SEMA5A: variants seen among roughly 807,000 people sequenced by gnomAD.
The protein encoded by SEMA5A is semaphorin-5A.
In SEMA5A, 55 loss-of-function variants were observed where a neutral mutation model predicts 135.5. The observed-to-expected ratio is 0.41, with a 90% CI of 0.33 to 0.51. The LOEUF is 0.51. SEMA5A is among the 20% of genes least tolerant of loss of function. The probability of loss-of-function intolerance (pLI) is 0.37; values close to 1 mark genes in which losing one functional copy is unlikely to be tolerated. For missense variants in SEMA5A, 1,290 were observed against 1,419.9 expected (o/e 0.91, Z 1.47); for synonymous variants, 580 against 546.5 (o/e 1.06, Z -0.85).
chr5:9,219,260 G>A (rs1378158737), intron 8 of SEMA5A, among the ~76,000 whole-genome samples: 1 of 152,202 alleles, frequency 6.6e-6, no homozygotes, highest in Non-Finnish European at 1.5e-5. Flanking sequence ...GGAGGAATAA[G>A]AAGAAAGACT....
At chr5:9,453,613 T>C (rs1758726125) in intron 1 of SEMA5A, among the ~76,000 whole-genome samples, 1 of 152,174 alleles carries the variant, frequency 6.6e-6, no homozygotes, top group South Asian at 2.1e-4. Flanking sequence ...TTAAATAAGT[T>C]GTTTTTAACA....
chr5:9,180,897 G>C (rs910323105), intron 11 of SEMA5A, among the ~76,000 whole-genome samples: 1 of 152,146 alleles, frequency 6.6e-6, no homozygotes, highest in African/African-American at 2.4e-5. Context: ...ATAGAACATT[G>C]TTTGTCTTTT....
chr5:9,253,948 C>T (rs760618386), intron 5 of SEMA5A, among the ~76,000 whole-genome samples: 7 of 152,144 alleles, frequency 4.6e-5, no homozygotes, highest in African/African-American at 7.2e-5. Flanking sequence ...CTTTGCTCCT[C>T]CATGCCTAAC....
At chr5:9,248,131 A>G (rs1350344544) in intron 5 of SEMA5A, among the ~76,000 whole-genome samples, 1 of 152,192 alleles carries the variant, frequency 6.6e-6, no homozygotes, top group African/African-American at 2.4e-5. Flanking sequence ...ACTATTATTA[A>G]GATGTTTGAT....
intron 9 of SEMA5A, among the ~76,000 whole-genome samples, chr5:9,200,211 C>T (rs1162729705): frequency 6.6e-6 from 1 of 152,198 alleles, no homozygotes; most frequent in Admixed American, 6.5e-5. Flanking sequence ...AGTATAGATT[C>T]CGTACATTGG....
intron 19 of SEMA5A, among the ~76,000 whole-genome samples, chr5:9,053,395 A>G (rs1736703049): frequency 6.6e-6 from 1 of 152,136 alleles, no homozygotes; most frequent in Admixed American, 6.5e-5. Context: ...TGCTATCACC[A>G]GTTTCTGTTG....
intron 3 of SEMA5A, among the ~76,000 whole-genome samples, chr5:9,350,755 A>G (rs1754078373): frequency 6.6e-6 from 1 of 152,240 alleles, no homozygotes; most frequent in South Asian, 2.1e-4. Context: ...CCGGGAGAGA[A>G]CAATCTTTCC....
At chr5:9,441,127 A>G (rs1758216693) in intron 1 of SEMA5A, among the ~76,000 whole-genome samples, 1 of 152,208 alleles carries the variant, frequency 6.6e-6, no homozygotes, top group Admixed American at 6.5e-5. Flanking sequence ...CCATGGCCAC[A>G]CATGGTGGAT....
intron 9 of SEMA5A, among the ~76,000 whole-genome samples, chr5:9,200,265 T>C (rs1745632995): frequency 6.6e-6 from 1 of 152,212 alleles, no homozygotes; most frequent in South Asian, 2.1e-4. Context: ...AAACAAATAG[T>C]CTAGAGTAGT....
At chr5:9,173,397 T>C (rs530312837) in intron 11 of SEMA5A, among the ~76,000 whole-genome samples, 1 of 149,192 alleles carries the variant, frequency 6.7e-6, no homozygotes, top group African/African-American at 2.5e-5. Context: ...CAAAATACCA[T>C]AGACTGGGGG....
At chr5:9,228,789 C>T (rs1229810166) in intron 6 of SEMA5A, among the ~76,000 whole-genome samples, 1 of 152,228 alleles carries the variant, frequency 6.6e-6, no homozygotes, top group Non-Finnish European at 1.5e-5. Context: ...TGCATGATAA[C>T]ATGATGATTT....
intron 3 of SEMA5A, among the ~76,000 whole-genome samples, chr5:9,348,109 A>T (rs539104292): frequency 6.6e-6 from 1 of 152,228 alleles, no homozygotes; most frequent in Non-Finnish European, 1.5e-5. Context: ...CCTCAGACCC[A>T]CCTGGCAAGT....
intron 3 of SEMA5A, among the ~76,000 whole-genome samples, chr5:9,340,649 T>G (rs1228287115): frequency 6.6e-6 from 1 of 152,154 alleles, no homozygotes; most frequent in Non-Finnish European, 1.5e-5. Flanking sequence ...TCAATATTGT[T>G]CAAGTTTCCT....
intron 5 of SEMA5A, among the ~76,000 whole-genome samples, chr5:9,246,836 TAA>T (rs1232071912): frequency 6.6e-6 from 1 of 152,190 alleles, no homozygotes; most frequent in African/African-American, 2.4e-5. Flanking sequence ...TTTACAAGGC[TAA>T]GTTTGTGGTG....
chr5:9,136,153 G>C (rs1741729329), intron 13 of SEMA5A, among the ~76,000 whole-genome samples: 1 of 152,100 alleles, frequency 6.6e-6, no homozygotes, highest in Non-Finnish European at 1.5e-5. Flanking sequence ...AAATTTGTGG[G>C]TGTGGAAGTT....
At chr5:9,216,032 T>C (rs10064203) in intron 8 of SEMA5A, among the ~76,000 whole-genome samples, 73,803 of 151,904 alleles carry the variant, frequency 0.49, 18,124 homozygotes, top group South Asian at 0.62. Flanking sequence ...TTCTTCTAGC[T>C]TTGGGGTTGA....
intron 1 of SEMA5A, among the ~76,000 whole-genome samples, chr5:9,457,121 G>A (rs997130174): frequency 2.0e-5 from 3 of 152,136 alleles, no homozygotes; most frequent in Admixed American, 6.5e-5. Flanking sequence ...CTCCCTGTTT[G>A]TACTAACCAC....
chr5:9,416,357 G>A (rs1441530081), intron 2 of SEMA5A, among the ~76,000 whole-genome samples: 3 of 152,124 alleles, frequency 2.0e-5, no homozygotes, highest in African/African-American at 7.2e-5. Context: ...CTGATCACTG[G>A]TATCCACAGA....
intron 5 of SEMA5A, among the ~76,000 whole-genome samples, chr5:9,303,095 C>T (rs1579309545): frequency 6.6e-6 from 1 of 150,544 alleles, no homozygotes; most frequent in Non-Finnish European, 1.5e-5. Context: ...CACACACACA[C>T]ATACACACAC....
Sources: gnomAD v4.1 joint callset for allele counts (sites outside exome capture counted in the v4.1 genomes callset) on GRCh38, gnomAD v4.1.1 for gene constraint, MANE v1.5 for transcripts, NCBI Gene and HGNC (gene_info 2026-07-23, HGNC 2026-07-21) for gene names.